CTNNA3: variants seen among roughly 807,000 people sequenced by gnomAD.
CTNNA3 encodes catenin alpha-3.
A neutral mutation model predicts 95.7 loss-of-function variants in CTNNA3; 76 were observed. The observed-to-expected ratio is 0.79, with a 90% CI of 0.66 to 0.96. The LOEUF (loss-of-function observed/expected upper bound fraction) is 0.96, where lower values mean the gene tolerates loss of function less well. Among genes scored for constraint, CTNNA3 ranks in the 40% least tolerant of loss-of-function variants. CTNNA3 has a pLI of 0.00. For synonymous variants in CTNNA3, 431 were observed against 374.4 expected (o/e 1.15, Z -1.74); for missense variants, 1,191 against 1,089.8 (o/e 1.09, Z -1.31).
intron 13 of CTNNA3, among the ~76,000 whole-genome samples, chr10:66,127,207 G>T (rs2082868683): frequency 6.7e-6 from 1 of 148,700 alleles, no homozygotes; most frequent in Admixed American, 6.8e-5. Context: ...AGGAGGCGGA[G>T]CTTGCAGTGA....
chr10:66,642,279 A>ACACAAACAC (rs1554828894), intron 9 of CTNNA3, among the ~76,000 whole-genome samples: 1 of 61,338 alleles, frequency 1.6e-5, no homozygotes, highest in African/African-American at 5.4e-5. Context: ...CACACACACA[A>ACACAAACAC]ACACACACAC....
chr10:66,068,071 T>C (rs1019548267), intron 15 of CTNNA3, among the ~76,000 whole-genome samples: 3 of 152,214 alleles, frequency 2.0e-5, no homozygotes, highest in Admixed American at 6.5e-5. Flanking sequence ...CTTATGTCAT[T>C]AGATTTTCAA....
chr10:66,128,071 C>CA (rs1363000558), intron 13 of CTNNA3, among the ~76,000 whole-genome samples: 1 of 151,336 alleles, frequency 6.6e-6, no homozygotes. Context: ...GACTCCATCT[C>CA]AAAAAAAGAA....
intron 5 of CTNNA3, among the ~76,000 whole-genome samples, chr10:67,227,475 T>A (rs1864980072): frequency 6.6e-6 from 1 of 152,140 alleles, no homozygotes; most frequent in Admixed American, 6.5e-5. Flanking sequence ...TATATAATGA[T>A]AAAAGGCCTT....
At chr10:67,726,005 T>C (rs1841210309) in intron 1 of CTNNA3, among the ~76,000 whole-genome samples, 1 of 136,324 alleles carries the variant, frequency 7.3e-6, no homozygotes, top group African/African-American at 2.7e-5. Flanking sequence ...ATATATTATA[T>C]ATCTAAATCC....
intron 11 of CTNNA3, among the ~76,000 whole-genome samples, chr10:66,438,159 T>G (rs1473809421): frequency 6.6e-6 from 1 of 152,140 alleles, no homozygotes; most frequent in Non-Finnish European, 1.5e-5. Flanking sequence ...TGTTTCCTAG[T>G]CAGGAGGCAC....
At chr10:67,073,101 T>C (rs1397210148) in intron 7 of CTNNA3, among the ~76,000 whole-genome samples, 2 of 152,198 alleles carry the variant, frequency 1.3e-5, no homozygotes, top group Non-Finnish European at 2.9e-5. Flanking sequence ...GGGAAATAAA[T>C]ACATGCATGC....
At chr10:67,345,993 C>T (rs1432408922) in intron 5 of CTNNA3, among the ~76,000 whole-genome samples, 2 of 151,806 alleles carry the variant, frequency 1.3e-5, no homozygotes, top group Non-Finnish European at 2.9e-5. Context: ...CTGATTGTAT[C>T]CATTGTATAT....
intron 7 of CTNNA3, among the ~76,000 whole-genome samples, chr10:67,123,677 T>C (rs552637266): frequency 6.6e-6 from 1 of 152,310 alleles, no homozygotes; most frequent in African/African-American, 2.4e-5. Flanking sequence ...AAGTAAATTT[T>C]CATAGAATGG....
At chr10:67,511,368 C>G (rs915388757) in intron 5 of CTNNA3, among the ~76,000 whole-genome samples, 5 of 152,112 alleles carry the variant, frequency 3.3e-5, no homozygotes, top group Non-Finnish European at 7.3e-5. Context: ...GAGATACATT[C>G]CATCAATACC....
At chr10:67,092,423 G>A (rs531600263) in intron 7 of CTNNA3, among the ~76,000 whole-genome samples, 1 of 152,008 alleles carries the variant, frequency 6.6e-6, no homozygotes, top group African/African-American at 2.4e-5. Context: ...AAAGAAGACT[G>A]TCATTTTCTG....
chr10:66,916,145 A>G (rs1846483981), intron 7 of CTNNA3, among the ~76,000 whole-genome samples: 1 of 152,212 alleles, frequency 6.6e-6, no homozygotes, highest in East Asian at 1.9e-4. Context: ...GAAAATAGGA[A>G]CAATCCTTAA....
rs547822414 is a variant in CTNNA3, at chr10:67,455,792, A to G, written c.579+66050T>C. On this transcript the variant is annotated intron_variant, in intron 5 of 17. Coordinates refer to ENST00000433211, the MANE Select transcript of CTNNA3 (RefSeq NM_013266.4). ...AACTTCCTTGTTTTTCATGTCTGAAAGACTGTCACAGAGCAGAATGTGGAG... is the reference window on the plus strand; with the variant it reads ...AACTTCCTTGTTTTTCATGTCTGAAGGACTGTCACAGAGCAGAATGTGGAG... 5.3e-5 allele frequency among the ~76,000 whole-genome samples: 8 copies of G among 152,288 alleles called. No individual in the cohort carries two copies. The East Asian group carries it at 1.2e-3, about 22-fold the overall frequency.
intron 13 of CTNNA3, among the ~76,000 whole-genome samples, chr10:66,191,722 C>T (rs775125283): frequency 2.0e-5 from 3 of 152,054 alleles, no homozygotes; most frequent in Non-Finnish European, 2.9e-5. Context: ...ATCTATGGCT[C>T]ATTTTCTGGC....
intron 15 of CTNNA3, among the ~76,000 whole-genome samples, chr10:66,067,399 A>T (rs538844746): frequency 6.6e-6 from 1 of 152,270 alleles, no homozygotes; most frequent in Non-Finnish European, 1.5e-5. Context: ...TCAGTCTATT[A>T]ACATAAGATC....
At chr10:67,544,297 G>T (rs1840772439) in intron 3 of CTNNA3, among the ~76,000 whole-genome samples, 1 of 152,074 alleles carries the variant, frequency 6.6e-6, no homozygotes, top group Admixed American at 6.6e-5. Flanking sequence ...TGCAAAAATG[G>T]TTATAAGGCA....
intron 7 of CTNNA3, among the ~76,000 whole-genome samples, chr10:67,168,378 C>T (rs1391676737): frequency 2.0e-5 from 3 of 151,942 alleles, no homozygotes; most frequent in Non-Finnish European, 4.4e-5. Flanking sequence ...AAGACAAAAG[C>T]CCTCAACAAA....
intron 5 of CTNNA3, among the ~76,000 whole-genome samples, chr10:67,285,310 G>A (rs1839555108): frequency 6.6e-6 from 1 of 152,102 alleles, no homozygotes; most frequent in Non-Finnish European, 1.5e-5. Context: ...TGGGCCCCTA[G>A]AAATCATCCG....
At chr10:67,139,443 G>A (rs533072505) in intron 7 of CTNNA3, among the ~76,000 whole-genome samples, 9 of 143,846 alleles carry the variant, frequency 6.3e-5, no homozygotes, top group African/African-American at 1.8e-4. Flanking sequence ...CACCATACCC[G>A]GCCTATTTTT....
Sources: gnomAD v4.1 joint callset for allele counts (sites outside exome capture counted in the v4.1 genomes callset) on GRCh38, gnomAD v4.1.1 for gene constraint, MANE v1.5 for transcripts, NCBI Gene and HGNC (gene_info 2026-07-23, HGNC 2026-07-21) for gene names.